Variants in ZNF469 observed in about 807,000 individuals in gnomAD.
ZNF469 encodes the protein zinc finger protein 469.
A neutral mutation model predicts 1.0 loss-of-function variants in ZNF469; 1 was observed. The observed-to-expected ratio is 1.00, with a 90% confidence interval of 0.35 to 4.73. ZNF469 has a LOEUF of 4.73. ZNF469 is among the 30% of genes most tolerant of loss of function. The probability of loss-of-function intolerance (pLI) is 0.16; values close to 1 mark genes in which losing one functional copy is unlikely to be tolerated. For synonymous variants in ZNF469, 2,703 were observed against 2,363.4 expected (o/e 1.14, Z -4.17); for missense variants, 6,100 against 5,356.3 (o/e 1.14, Z -4.33).
At chr16:88,327,701 C>T in the ZNF469 span, among the ~76,000 whole-genome samples, 16 of 152,290 alleles carry the variant, frequency 1.1e-4, no homozygotes, top group African/African-American at 3.4e-4. Flanking sequence ...TCCCACCTTC[C>T]GTGCACACTC....
At chr16:88,271,150 G>T in the ZNF469 span, among the ~76,000 whole-genome samples, 1 of 151,938 alleles carries the variant, frequency 6.6e-6, no homozygotes, top group South Asian at 2.1e-4. Flanking sequence ...AGGATTCAGT[G>T]AGATTCTGCA....
At position 88,432,464 on chromosome 16, in the gene ZNF469, A is replaced by G. The variant is rs1249460407; in HGVS notation, c.4994A>G (p.His1665Arg). 13 of 1,550,178 alleles carry G rather than the reference A, an allele frequency of 8.4e-6. No individual in the cohort carries two copies. The highest frequency in any genetic ancestry group is 2.0e-5 in the Admixed American group (1 of 50,990). The change falls in exon 3 of 3, where the codon CAT becomes CGT. Residue 1665 changes from histidine (H) to arginine (R), a missense_variant. Coordinates refer to ENST00000565624, the MANE Select transcript of ZNF469 (RefSeq NM_001367624.2). ...ACGTGGCCCTGCCCAGCCTCCTTCC[A>G]TCCGGGACATGCAGCCCTTCTCCCC... ...GGTWPCPASF[H>R]PGHAALLPCA...
chr16:88,121,030 C>A, the ZNF469 span, among the ~76,000 whole-genome samples: 1 of 151,748 alleles, frequency 6.6e-6, no homozygotes, highest in African/African-American at 2.4e-5. Flanking sequence ...TGGCACGAGG[C>A]ACCCGCTATG....
chr16:88,302,672 G>T, the ZNF469 span, among the ~76,000 whole-genome samples: 1 of 152,226 alleles, frequency 6.6e-6, no homozygotes, highest in Non-Finnish European at 1.5e-5. Context: ...TTGGGAGGAA[G>T]GACCAGCATC....
chr16:88,101,818 C>T, the ZNF469 span, among the ~76,000 whole-genome samples: 4 of 152,150 alleles, frequency 2.6e-5, no homozygotes, highest in African/African-American at 4.8e-5. Context: ...AAGTGACAAT[C>T]GCAGCTTCCA....
chr16:88,355,937 G>A, the ZNF469 span, among the ~76,000 whole-genome samples: 2 of 152,100 alleles, frequency 1.3e-5, no homozygotes, highest in Non-Finnish European at 2.9e-5. Flanking sequence ...CCTGCACAAA[G>A]ACCTACACAG....
upstream of ZNF469, among the ~76,000 whole-genome samples, chr16:88,379,787 T>C (rs1185359871): frequency 6.6e-6 from 1 of 152,012 alleles, no homozygotes; most frequent in Admixed American, 6.6e-5. Flanking sequence ...ACGGTGGCTC[T>C]GGGACAGGGG....
chr16:88,298,240 G>T, the ZNF469 span, among the ~76,000 whole-genome samples: 4 of 152,334 alleles, frequency 2.6e-5, no homozygotes, highest in South Asian at 8.3e-4. Context: ...TCTGGGCTGT[G>T]CTGTCCACTC....
In ZNF469 at chr16:88,424,033, T is replaced by C. The variant is rs1317218195; in HGVS notation, c.-191-774T>C. On this transcript the variant is annotated intron_variant, in intron 1 of 2. Coordinates refer to ENST00000565624, the MANE Select transcript of ZNF469 (RefSeq NM_001367624.2). The surrounding 1 kb of genome is among the most constrained non-coding windows in gnomAD (Gnocchi z 4.3). ...GAGACTGACAATTGGACAATCTCCT[T>C]CCAAAGTCAAACGCAGGTGCCCTTT... 2.0e-5 allele frequency among the ~76,000 whole-genome samples: 3 copies of C among 152,226 alleles called. No individual in the cohort carries two copies. The highest frequency in any genetic ancestry group is 7.2e-5 in the African/African-American group (3 of 41,456).
the ZNF469 span, among the ~76,000 whole-genome samples, chr16:88,262,970 C>A: frequency 1.3e-5 from 2 of 152,182 alleles, no homozygotes; most frequent in South Asian, 4.1e-4. This position sits in a 1 kb window ranked among gnomAD's most constrained non-coding sequence, Gnocchi z 4.3. Flanking sequence ...AGTGGAGGAG[C>A]GTTTCATTAG....
At chr16:88,398,649 G>T (rs535266701) in intron 1 of ZNF469, among the ~76,000 whole-genome samples, 1 of 151,810 alleles carries the variant, frequency 6.6e-6, no homozygotes, top group East Asian at 1.9e-4. Context: ...CAGATGAAGG[G>T]GGGGTGTGAG....
chr16:88,345,184 C>A, the ZNF469 span, among the ~76,000 whole-genome samples: 1 of 152,202 alleles, frequency 6.6e-6, no homozygotes, highest in Non-Finnish European at 1.5e-5. Context: ...GGCACCCAGG[C>A]CAGATGCTCC....
At chr16:88,246,209 G>A in the ZNF469 span, among the ~76,000 whole-genome samples, 1 of 152,244 alleles carries the variant, frequency 6.6e-6, no homozygotes, top group Non-Finnish European at 1.5e-5. Context: ...CACCAGAAAA[G>A]ACTCAGTAAA....
At chr16:88,314,298 C>G in the ZNF469 span, among the ~76,000 whole-genome samples, 3 of 145,112 alleles carry the variant, frequency 2.1e-5, 1 homozygote, top group Non-Finnish European at 4.6e-5. Context: ...CTCTGTAATT[C>G]AGGCAGTGCT....
the ZNF469 span, among the ~76,000 whole-genome samples, chr16:88,142,593 T>C: frequency 0.1 from 15,362 of 152,206 alleles, 1,004 homozygotes; most frequent in African/African-American, 0.16. Flanking sequence ...GCTTGAAGAA[T>C]GGCTTCTGTT....
the ZNF469 span, among the ~76,000 whole-genome samples, chr16:88,199,758 C>G: frequency 6.6e-6 from 1 of 152,204 alleles, no homozygotes; most frequent in Non-Finnish European, 1.5e-5. Flanking sequence ...TCAGGTCACA[C>G]CACCATTCCA....
chr16:88,393,189 C>T (rs997147920), intron 1 of ZNF469, among the ~76,000 whole-genome samples: 2 of 152,268 alleles, frequency 1.3e-5, no homozygotes, highest in African/African-American at 2.4e-5. Context: ...ATTCCTGCCT[C>T]GCCCGCCCTG....
chr16:88,380,776 A>T, upstream of ZNF469, among the ~76,000 whole-genome samples: 1 of 145,306 alleles, frequency 6.9e-6, no homozygotes, highest in South Asian at 2.3e-4. Context: ...CCTCACACAC[A>T]TGCACTCACA....
chr16:88,430,990 C>T lies in ZNF469; in HGVS notation c.3520C>T (p.Pro1174Ser), dbSNP rs762820212. 1.2e-5 allele frequency: 18 copies of T among 1,541,608 alleles called. No homozygotes were observed. The highest frequency in any genetic ancestry group is 1.6e-5 in the Non-Finnish European group (18 of 1,146,556). ...GPGRSPQARG[P>S]SRSLETGAAA... Reference sequence around the variant, plus strand: ...CGGCAGGAGCCCTCAGGCCCGTGGCCCGTCTCGAAGCCTGGAGACGGGAGC... The same window carrying T: ...CGGCAGGAGCCCTCAGGCCCGTGGCTCGTCTCGAAGCCTGGAGACGGGAGC... Residue 1174 changes from proline to serine, a missense_variant, in exon 3 of 3, where the codon CCG becomes TCG. Pro to Ser is a moderately conservative substitution (Grantham distance 74). Transcript: ENST00000565624.
Sources: allele counts gnomAD v4.1 joint callset (sites outside exome capture counted in the v4.1 genomes callset), GRCh38; gene constraint gnomAD v4.1.1; non-coding constraint Gnocchi (gnomAD v3.1); transcripts MANE v1.5; gene names NCBI Gene and HGNC (gene_info 2026-07-23, HGNC 2026-07-21).